The following ABCB5 variants were observed in gnomAD, a reference collection of about 807,000 sequenced individuals.
ABCB5 encodes ATP binding cassette subfamily B member 5.
In ABCB5, 155 loss-of-function variants were observed where a neutral mutation model predicts 144.2. The ratio of observed to expected loss-of-function variants is 1.08; its 90% CI spans 0.94 to 1.23. The LOEUF (loss-of-function observed/expected upper bound fraction) is 1.23. Among genes scored for constraint, ABCB5 ranks in the 50% most tolerant of loss-of-function variants. The pLI is 0.00. For missense variants in ABCB5, 1,830 were observed against 1,520.8 expected, an observed-to-expected ratio of 1.20 and a Z score of -3.38; for synonymous variants, 610 against 528.6, an observed-to-expected ratio of 1.15 and a Z score of -2.11.
At chr7:20,703,406 G>GA (rs1293566114) in intron 19 of ABCB5, among the ~76,000 whole-genome samples, 8 of 152,126 alleles carry the variant, frequency 5.3e-5, no homozygotes, top group Non-Finnish European at 1.0e-4. Context: ...ATGCTCTTTG[G>GA]GCATCTAGGA....
At chr7:20,619,399 A>G (rs1783760520) in intron 1 of ABCB5, among the ~76,000 whole-genome samples, 1 of 152,074 alleles carries the variant, frequency 6.6e-6, no homozygotes, top group South Asian at 2.1e-4. Context: ...GTGAAGTGGT[A>G]TCTCATTGTG....
chr7:20,700,085 A>T lies in ABCB5; in HGVS notation c.2287A>T (p.Ile763Phe). ...QGLFYGRAGE[I>F]LTMRLRHLAF... ...ATTATTTTACGGCAGAGCAGGGGAA[A>T]TTTTAACGATGAGATTAAGACACTT... Residue 763 changes from isoleucine to phenylalanine, a missense_variant, in exon 19 of 28, where the codon ATT (isoleucine) becomes TTT (phenylalanine). Coordinates refer to ENST00000404938, the MANE Select transcript of ABCB5 (RefSeq NM_001163941.2). 6.2e-7 allele frequency: 1 copy of T among 1,613,846 alleles called. No homozygotes were observed. The highest frequency in any genetic ancestry group is 8.5e-7 in the Non-Finnish European group (1 of 1,179,866).
chr7:20,670,948 A>G (rs1785446665), intron 14 of ABCB5, among the ~76,000 whole-genome samples: 1 of 152,170 alleles, frequency 6.6e-6, no homozygotes, highest in Non-Finnish European at 1.5e-5. Flanking sequence ...AGCAAGCAAT[A>G]AAAACCTGTT....
At chr7:20,698,711 G>A (rs546918733) in intron 17 of ABCB5, among the ~76,000 whole-genome samples, 161 bp downstream of exon 17, 1 of 152,326 alleles carries the variant, frequency 6.6e-6, no homozygotes, top group African/African-American at 2.4e-5. Flanking sequence ...ATGTTCCCAG[G>A]AGATAAGCCA....
At chr7:20,665,954 A>G (rs1785177915) in intron 14 of ABCB5, among the ~76,000 whole-genome samples, 1 of 151,534 alleles carries the variant, frequency 6.6e-6, no homozygotes, top group East Asian at 1.9e-4. Flanking sequence ...CGGATCACCT[A>G]AGGTCAGGAG....
chr7:20,753,635 A>G, intron 27 of ABCB5, 129 bp downstream of exon 27: 2 of 1,087,244 alleles, frequency 1.8e-6, no homozygotes, highest in Non-Finnish European at 2.5e-6. Context: ...CACCAGTTCC[A>G]ATTAAGGCTT....
At chr7:20,689,688 C>T (rs376822481) in intron 16 of ABCB5, among the ~76,000 whole-genome samples, 1 of 152,278 alleles carries the variant, frequency 6.6e-6, no homozygotes, top group Admixed American at 6.5e-5. Context: ...AAAAAACCAT[C>T]CTGCAGGAGC....
At chr7:20,631,204 T>C (rs899868976) in intron 4 of ABCB5, among the ~76,000 whole-genome samples, 3 of 152,170 alleles carry the variant, frequency 2.0e-5, no homozygotes, top group Non-Finnish European at 2.9e-5. Flanking sequence ...GAACCATTTT[T>C]AGAAACAATG....
At chr7:20,730,766 C>T (rs17143311) in intron 23 of ABCB5, among the ~76,000 whole-genome samples, 4,306 of 152,204 alleles carry the variant, frequency 0.028, 77 homozygotes, top group Middle Eastern at 0.048. Context: ...TCCAGGCACT[C>T]CCAAGCTTGA....
chr7:20,676,981 T>C (rs1274277705), intron 14 of ABCB5, among the ~76,000 whole-genome samples: 1 of 152,192 alleles, frequency 6.6e-6, no homozygotes, highest in Non-Finnish European at 1.5e-5. Context: ...TCATACACTA[T>C]AATCTATATA....
chr7:20,639,206 G>T (rs1025404764), intron 5 of ABCB5, among the ~76,000 whole-genome samples: 2 of 152,098 alleles, frequency 1.3e-5, no homozygotes, highest in Admixed American at 6.6e-5. Context: ...TGTGCCATTT[G>T]TCTTCTTATT....
In ABCB5 at chr7:20,756,761, AT is replaced by A. The variant is rs1783098908; in HGVS notation, c.*1141del. The A allele has an allele frequency of 6.6e-6, 1 of 152,218 alleles. No individual in the cohort carries two copies. Among genetic ancestry groups the A allele is most frequent in the African/African-American group, 2.4e-5 (1 of 41,448 alleles). The allele number at this position is 152,218 out of a possible 1,614,324, so 9.4% of individuals were successfully genotyped here. On this transcript the variant is annotated 3_prime_UTR_variant, in exon 28 of 28. Transcript: ENST00000404938. Reference sequence around the variant, plus strand: ...CTTTATCATATATAATGTGTGAATGATTTTAAAGTTCTGTGTAAATAACAAT... The same window carrying A: ...CTTTATCATATATAATGTGTGAATGATTTAAAGTTCTGTGTAAATAACAAT...
At chr7:20,689,409 C>G (rs1166511473) in intron 16 of ABCB5, among the ~76,000 whole-genome samples, 3 of 152,174 alleles carry the variant, frequency 2.0e-5, no homozygotes, top group African/African-American at 4.8e-5. Flanking sequence ...GCTTCAGAAC[C>G]TGTCAGGTGC....
intron 16 of ABCB5, among the ~76,000 whole-genome samples, chr7:20,693,347 C>G (rs539503879): frequency 6.6e-6 from 1 of 151,716 alleles, no homozygotes; most frequent in African/African-American, 2.4e-5. Flanking sequence ...TGTTGGGTAA[C>G]AGAACAAGAC....
Position 20,646,004 on chromosome 7 carries a change from AG to A in ABCB5, c.849del (p.Thr284LeufsTer2). The A allele has an allele frequency of 1.2e-6, 2 of 1,613,784 alleles. No homozygotes were observed. Among genetic ancestry groups the A allele is most frequent in the Non-Finnish European group, 1.7e-6 (2 of 1,179,770 alleles). On this transcript the variant is annotated frameshift_variant, in exon 9 of 28. Coordinates refer to ENST00000404938, the MANE Select transcript of ABCB5 (RefSeq NM_001163941.2). LOFTEE classifies it high-confidence loss of function. ...LKDAKDFGIK[R>X]TIASKVSLGA... is the part of the protein sequence containing the mutation. The stretch of plus-strand genomic sequence containing the variant: ...AGATGCAAAGGATTTTGGCATAAAA[AG>A]GACTATAGCTTCAAAAGTGTCTCTT...
Position 20,665,156 on chromosome 7 carries a change from GA to G in ABCB5, c.1707+6483del, listed in dbSNP as rs1785132754. On this transcript the variant is annotated intron_variant, in intron 14 of 27. Transcript: ENST00000404938. The stretch of plus-strand genomic sequence containing the variant: ...TTCATTTTAGCAGAGTTTACATTTT[GA>G]AAGTGTTTCTTTTCTAAAGGGTCTT... 3.3e-5 allele frequency among the ~76,000 whole-genome samples: 5 copies of G among 152,136 alleles called. 1 individual carries two copies. Among genetic ancestry groups the G allele is most frequent in the Admixed American group, 3.3e-4 (5 of 15,278 alleles).
chr7:20,621,419 A>T (rs1029885828), intron 1 of ABCB5, among the ~76,000 whole-genome samples: 31 of 152,242 alleles, frequency 2.0e-4, no homozygotes, highest in African/African-American at 4.3e-4. Flanking sequence ...AAAAGACTTT[A>T]AAAAAGTTCT....
rs752677713 is a variant in ABCB5, at chr7:20,755,472, C to T, written c.3622C>T (p.Leu1208=). The stretch of plus-strand genomic sequence containing the variant: ...TAAAGCCAGGACGGGAAGGACATGC[C>T]TAGTGGTCACTCACAGGCTCTCTGC... ...LDKARTGRTC[L]VVTHRLSAIQ... is the part of the protein sequence containing the mutation. Residue 1208 remains leucine (L), a synonymous_variant, in exon 28 of 28, where the codon CTA becomes TTA. Transcript: ENST00000404938. 6.2e-7 allele frequency: 1 copy of T among 1,614,158 alleles called. No homozygotes were observed. Among genetic ancestry groups the T allele is most frequent in the Admixed American group, 1.7e-5 (1 of 60,022 alleles).
rs1785828603 is a variant in ABCB5 at position 20,681,544 on chromosome 7, C to T, written c.1747C>T (p.Leu583Phe). The change falls in exon 15 of 28, where the codon CTT becomes TTT. Residue 583 changes from leucine (L) to phenylalanine (F), a missense_variant. Transcript: ENST00000404938. ...GACTACAATCGTGGTAGCACACCGA[C>T]TTTCTACTATTCGAAGTGCAGATTT... Reference protein sequence around the residue: ...GRTTIVVAHRLSTIRSADLIV... With the variant: ...GRTTIVVAHRFSTIRSADLIV... The T allele has an allele frequency of 6.8e-6, 11 of 1,614,074 alleles. No homozygotes were observed. The highest frequency in any genetic ancestry group is 1.6e-4 in the Middle Eastern group (1 of 6,084).
Sources: allele counts gnomAD v4.1 joint callset (sites outside exome capture counted in the v4.1 genomes callset), GRCh38; gene constraint gnomAD v4.1.1; transcripts MANE v1.5; gene names NCBI Gene and HGNC (gene_info 2026-07-23, HGNC 2026-07-21).